Variants in CSMD1 observed in about 807,000 individuals in gnomAD.
CSMD1 encodes the protein CUB and sushi domain-containing protein 1.
CSMD1 carries 213 observed loss-of-function variants against 417.5 expected under a neutral mutation model. The ratio of observed to expected loss-of-function variants is 0.51; its 90% CI spans 0.46 to 0.57. CSMD1 has a LOEUF of 0.57. Among genes scored for constraint, CSMD1 ranks in the 20% least tolerant of loss-of-function variants. CSMD1 has a pLI of 0.00. For missense variants in CSMD1, 6,923 were observed against 4,529.7 expected (o/e 1.53, Z -15.17); for synonymous variants, 2,862 against 1,736.8 (o/e 1.65, Z -16.11).
chr8:3,896,246 C>T (rs1276418181), intron 5 of CSMD1, among the ~76,000 whole-genome samples: 1 of 152,136 alleles, frequency 6.6e-6, no homozygotes, highest in Non-Finnish European at 1.5e-5. Context: ...CAAAATTTCT[C>T]AAAACAGTCC....
At chr8:3,950,810 G>C (rs900136387) in intron 5 of CSMD1, among the ~76,000 whole-genome samples, 1 of 151,880 alleles carries the variant, frequency 6.6e-6, no homozygotes, top group Non-Finnish European at 1.5e-5. Flanking sequence ...GGTCATAATA[G>C]GTTTAGTATA....
At chr8:3,298,828 C>A (rs1238225543) in intron 25 of CSMD1, among the ~76,000 whole-genome samples, 2 of 152,152 alleles carry the variant, frequency 1.3e-5, no homozygotes, top group Non-Finnish European at 2.9e-5. Context: ...GGAGAAGAGA[C>A]AATTTGAATA....
At chr8:3,181,035 G>C in intron 37 of CSMD1, 75 bp downstream of exon 37, 1 of 868,070 alleles carries the variant, frequency 1.2e-6, no homozygotes, top group East Asian at 2.6e-5. Flanking sequence ...TTTAATAAGA[G>C]CATGATTTAT....
chr8:3,870,036 T>A (rs902631174), intron 5 of CSMD1, among the ~76,000 whole-genome samples: 3 of 152,122 alleles, frequency 2.0e-5, no homozygotes, highest in South Asian at 4.1e-4. Context: ...AAAGTAGGCG[T>A]CTCTTCATTG....
intron 5 of CSMD1, among the ~76,000 whole-genome samples, chr8:3,811,265 T>C (rs781322877): frequency 3.3e-5 from 5 of 152,224 alleles, no homozygotes; most frequent in Non-Finnish European, 7.3e-5. Context: ...TAGAGAGCAA[T>C]TACCAGAGAT....
intron 3 of CSMD1, among the ~76,000 whole-genome samples, chr8:4,037,723 T>G (rs569959180): frequency 6.6e-6 from 1 of 152,182 alleles, no homozygotes; most frequent in African/African-American, 2.4e-5. Context: ...TCTCCAAATA[T>G]CTGTTCTTTA....
chr8:3,800,800 C>T (rs140935276), intron 5 of CSMD1, among the ~76,000 whole-genome samples: 10 of 152,148 alleles, frequency 6.6e-5, no homozygotes, highest in African/African-American at 1.7e-4. Context: ...GTATTTTGTA[C>T]GTGCCCACTT....
chr8:3,199,845 A>T (rs1412418667), intron 32 of CSMD1, 36 bp from the exon 33 acceptor site: 3 of 1,323,176 alleles, frequency 2.3e-6, no homozygotes. Context: ...CAGAAAACAC[A>T]CAGCACCGTG....
At chr8:4,707,394 G>A (rs1020741784) in intron 1 of CSMD1, among the ~76,000 whole-genome samples, 14 of 152,114 alleles carry the variant, frequency 9.2e-5, no homozygotes, top group Non-Finnish European at 1.9e-4. Flanking sequence ...GTTTTTAATC[G>A]TGCTGGGAAA....
chr8:3,189,796 C>G, intron 34 of CSMD1, 116 bp downstream of exon 34: 1 of 875,136 alleles, frequency 1.1e-6, no homozygotes, highest in Middle Eastern at 3.5e-4. Flanking sequence ...AACAAACTGC[C>G]CTTTAAATGG....
chr8:4,704,934 G>T (rs765600549), intron 1 of CSMD1, among the ~76,000 whole-genome samples: 1 of 152,022 alleles, frequency 6.6e-6, no homozygotes, highest in Admixed American at 6.6e-5. Flanking sequence ...AAACTCCATG[G>T]GTAGTATGGT....
chr8:2,970,280 T>C (rs1181041039), intron 57 of CSMD1, among the ~76,000 whole-genome samples: 1 of 152,186 alleles, frequency 6.6e-6, no homozygotes, highest in East Asian at 1.9e-4. Flanking sequence ...TATAATTTTG[T>C]TCATCTTTTA....
intron 26 of CSMD1, among the ~76,000 whole-genome samples, chr8:3,264,121 A>C (rs1048218509): frequency 6.6e-6 from 1 of 152,186 alleles, no homozygotes; most frequent in African/African-American, 2.4e-5. Flanking sequence ...CAATAATATG[A>C]TTAAACTGAT....
chr8:4,697,703 G>C (rs1483898271), intron 1 of CSMD1, among the ~76,000 whole-genome samples: 2 of 152,114 alleles, frequency 1.3e-5, no homozygotes, highest in Non-Finnish European at 2.9e-5. Flanking sequence ...GGACATGAGA[G>C]TTCTGAAATA....
At chr8:4,581,033 C>G (rs187224006) in intron 2 of CSMD1, among the ~76,000 whole-genome samples, 7 of 152,248 alleles carry the variant, frequency 4.6e-5, no homozygotes, top group African/African-American at 7.2e-5. Flanking sequence ...CTAGGTAAAT[C>G]AATCCATGGA....
chr8:3,046,924 A>T (rs1257638965), intron 50 of CSMD1, among the ~76,000 whole-genome samples: 4 of 152,070 alleles, frequency 2.6e-5, no homozygotes, highest in Non-Finnish European at 5.9e-5. Context: ...TGACTCTTCA[A>T]AGAGCCGCTC....
At chr8:3,873,897 G>C (rs928464165) in intron 5 of CSMD1, among the ~76,000 whole-genome samples, 1 of 152,078 alleles carries the variant, frequency 6.6e-6, no homozygotes, top group African/African-American at 2.4e-5. Flanking sequence ...AACTGGGGGA[G>C]GTCACTGATC....
intron 50 of CSMD1, among the ~76,000 whole-genome samples, chr8:3,032,275 T>G (rs1283911765): frequency 6.6e-6 from 1 of 151,978 alleles, no homozygotes; most frequent in Non-Finnish European, 1.5e-5. Context: ...AAACTGAGTT[T>G]GAATACTCTG....
intron 1 of CSMD1, among the ~76,000 whole-genome samples, chr8:4,740,461 C>G (rs569455604): frequency 3.3e-5 from 5 of 152,256 alleles, no homozygotes; most frequent in African/African-American, 1.2e-4. Context: ...AGGGTAGAGA[C>G]AGGCTGGGAT....
Sources: gnomAD v4.1 joint callset for allele counts (sites outside exome capture counted in the v4.1 genomes callset) on GRCh38, gnomAD v4.1.1 for gene constraint, MANE v1.5 for transcripts, NCBI Gene and HGNC (gene_info 2026-07-23, HGNC 2026-07-21) for gene names.